Variants in PLCXD3 observed in about 807,000 individuals in gnomAD.
The protein encoded by PLCXD3 is phosphatidylinositol specific phospholipase C X domain containing 3.
PLCXD3 carries 19 observed loss-of-function variants against 25.5 expected under a neutral mutation model. The observed-to-expected ratio is 0.75, with a 90% CI of 0.52 to 1.09. PLCXD3 has a LOEUF of 1.09. PLCXD3 is among the 50% of genes least tolerant of loss of function. The probability of loss-of-function intolerance (pLI) is 0.00; values close to 1 mark genes in which losing one functional copy is unlikely to be tolerated. For synonymous variants in PLCXD3, 174 were observed against 137.6 expected (o/e 1.26, Z -1.85); for missense variants, 411 against 388.1 (o/e 1.06, Z -0.50).
chr5:41,410,824 A>G (rs992044578), intron 1 of PLCXD3, among the ~76,000 whole-genome samples: 1 of 152,254 alleles, frequency 6.6e-6, no homozygotes, highest in African/African-American at 2.4e-5. Flanking sequence ...GTTGCCACAC[A>G]GTCAGCCACA....
intron 1 of PLCXD3, among the ~76,000 whole-genome samples, chr5:41,471,060 C>T (rs1285881493): frequency 6.6e-6 from 1 of 152,070 alleles, no homozygotes; most frequent in African/African-American, 2.4e-5. Context: ...AGTCAAGGAG[C>T]AGGGCAGGGG....
intron 2 of PLCXD3, among the ~76,000 whole-genome samples, chr5:41,315,250 A>G (rs1364368526): frequency 1.3e-5 from 2 of 152,150 alleles, no homozygotes; most frequent in Non-Finnish European, 2.9e-5. Context: ...CAGAGACATG[A>G]TAGTGTATTA....
chr5:41,488,889 C>A (rs1748582981), intron 1 of PLCXD3, among the ~76,000 whole-genome samples: 1 of 151,076 alleles, frequency 6.6e-6, no homozygotes, highest in Non-Finnish European at 1.5e-5. Context: ...TGCCTGTTCA[C>A]TCTGATGGTA....
At chr5:41,477,469 T>A (rs561972731) in intron 1 of PLCXD3, among the ~76,000 whole-genome samples, 41 of 152,260 alleles carry the variant, frequency 2.7e-4, no homozygotes, top group African/African-American at 9.4e-4. Flanking sequence ...TGTGCCAGCA[T>A]CCTTGTTGCA....
rs1409850796 is a variant in PLCXD3, at chr5:41,382,544, T to C, written c.104-10A>G. 1.3e-6 allele frequency: 2 copies of C among 1,573,764 alleles called. No individual in the cohort carries two copies. On this transcript the variant is annotated splice_polypyrimidine_tract_variant and intron_variant, in intron 1 of 2. Transcript: ENST00000377801. ...AAGGAATCATGAGACCCTAGGAGAA[T>C]AACAAGGCATAGTGTGGTTAATTTC...
intron 2 of PLCXD3, among the ~76,000 whole-genome samples, chr5:41,364,436 A>C (rs1415391900): frequency 3.3e-5 from 5 of 152,212 alleles, no homozygotes; most frequent in Non-Finnish European, 7.3e-5. Flanking sequence ...TTGCCAGCAG[A>C]AAATCCTATT....
intron 2 of PLCXD3, among the ~76,000 whole-genome samples, chr5:41,324,082 G>A (rs1017476138): frequency 6.6e-6 from 1 of 152,052 alleles, no homozygotes; most frequent in Non-Finnish European, 1.5e-5. Flanking sequence ...ATTTTGAGGA[G>A]GAGGAAGAAA....
intron 1 of PLCXD3, among the ~76,000 whole-genome samples, chr5:41,424,456 C>T (rs1028490614): frequency 1.3e-5 from 2 of 152,124 alleles, no homozygotes; most frequent in African/African-American, 2.4e-5. Flanking sequence ...AGGAGAATTG[C>T]TTGAACCTGG....
intron 1 of PLCXD3, among the ~76,000 whole-genome samples, chr5:41,488,950 A>G (rs1236148085): frequency 6.6e-6 from 1 of 151,634 alleles, no homozygotes; most frequent in Non-Finnish European, 1.5e-5. Flanking sequence ...CCCATTTGTC[A>G]ATTTTGTCTT....
intron 1 of PLCXD3, among the ~76,000 whole-genome samples, chr5:41,440,947 C>T (rs1429668066): frequency 2.0e-5 from 3 of 152,122 alleles, no homozygotes; most frequent in South Asian, 2.1e-4. Flanking sequence ...GAATGAGCTA[C>T]CTAGGAGTCT....
At chr5:41,459,976 A>T (rs116337588) in intron 1 of PLCXD3, among the ~76,000 whole-genome samples, 2,106 of 152,056 alleles carry the variant, frequency 0.014, 51 homozygotes, top group African/African-American at 0.047. Flanking sequence ...GTTCAAGATA[A>T]AGCACCAAGA....
intron 2 of PLCXD3, among the ~76,000 whole-genome samples, chr5:41,340,797 T>A (rs1019131761): frequency 2.0e-5 from 3 of 152,206 alleles, no homozygotes; most frequent in African/African-American, 7.2e-5. Context: ...TGTTGCTAAT[T>A]TTATTGGGAA....
At chr5:41,469,826 A>T (rs1748110745) in intron 1 of PLCXD3, among the ~76,000 whole-genome samples, 1 of 152,156 alleles carries the variant, frequency 6.6e-6, no homozygotes, top group South Asian at 2.1e-4. Context: ...TTACTTTTTA[A>T]ATGGTGTGAG....
At chr5:41,413,830 A>T (rs1009084841) in intron 1 of PLCXD3, among the ~76,000 whole-genome samples, 10 of 152,156 alleles carry the variant, frequency 6.6e-5, no homozygotes, top group Admixed American at 1.3e-4. Context: ...TTAAAAAAAA[A>T]TTCTCCCATA....
At chr5:41,471,525 C>A (rs1333640018) in intron 1 of PLCXD3, among the ~76,000 whole-genome samples, 2 of 152,106 alleles carry the variant, frequency 1.3e-5, no homozygotes. Context: ...TGATTTCTGG[C>A]AAGTCTTGCC....
At chr5:41,398,332 G>C (rs75904982) in intron 1 of PLCXD3, among the ~76,000 whole-genome samples, 16,874 of 152,138 alleles carry the variant, frequency 0.11, 1,093 homozygotes, top group Admixed American at 0.17. Context: ...GAACTTTCCT[G>C]TTTCCTCTCC....
chr5:41,334,777 T>TTCATAAAATGCACTC (rs1274991915), intron 2 of PLCXD3, among the ~76,000 whole-genome samples: 1 of 151,886 alleles, frequency 6.6e-6, no homozygotes, highest in Non-Finnish European at 1.5e-5. Context: ...TGTTTAAGAG[T>TTCATAAAATGCACTC]TCATAAAATG....
intron 1 of PLCXD3, among the ~76,000 whole-genome samples, chr5:41,399,904 G>T (rs1746125543): frequency 6.6e-6 from 1 of 151,954 alleles, no homozygotes; most frequent in African/African-American, 2.4e-5. Context: ...AAACTGAAGA[G>T]ATACAGAATG....
At chr5:41,335,219 T>C (rs928144378) in intron 2 of PLCXD3, among the ~76,000 whole-genome samples, 1 of 152,184 alleles carries the variant, frequency 6.6e-6, no homozygotes, top group South Asian at 2.1e-4. Context: ...TTCCCTTCTT[T>C]GGAAAAATTT....
Sources: gnomAD v4.1 joint callset for allele counts (sites outside exome capture counted in the v4.1 genomes callset) on GRCh38, gnomAD v4.1.1 for gene constraint, MANE v1.5 for transcripts, NCBI Gene and HGNC (gene_info 2026-07-23, HGNC 2026-07-21) for gene names.